PLA2G4A: variants seen among roughly 807,000 people sequenced by gnomAD.
PLA2G4A encodes phospholipase A2 group IVA, also known as cytosolic phospholipase A2.
PLA2G4A carries 40 observed loss-of-function variants against 81.9 expected under a neutral mutation model. The ratio of observed to expected loss-of-function variants is 0.49; its 90% CI spans 0.38 to 0.64. The LOEUF is 0.64. Among genes scored for constraint, PLA2G4A ranks in the 30% least tolerant of loss-of-function variants. The pLI is 0.00. For synonymous variants in PLA2G4A, 302 were observed against 296.9 expected (o/e 1.02, Z -0.18); for missense variants, 715 against 905.1 (o/e 0.79, Z 2.69).
In PLA2G4A at chr1:186,946,662, A is replaced by T; in HGVS notation, c.1059A>T (p.Glu353Asp). 1 of 1,611,420 alleles carries T rather than the reference A, an allele frequency of 6.2e-7. No homozygotes were observed. Among genetic ancestry groups the T allele is most frequent in the Non-Finnish European group, 8.5e-7 (1 of 1,177,796 alleles). ...FADWVEFSPY[E>D]IGMAKYGTFM... ...ATTGGGTTGAATTTAGTCCATACGA[A>T]ATTGGCATGGCTAAATATGGTACTT... Residue 353 changes from glutamate (E) to aspartate (D), a missense_variant, in exon 11 of 18, where the codon GAA becomes GAT. By Grantham distance (45) the Glu-to-Asp change is conservative (BLOSUM62 2). Transcript: ENST00000367466.
At chr1:186,963,702 C>T (rs1361678728) in intron 14 of PLA2G4A, among the ~76,000 whole-genome samples, 1 of 152,090 alleles carries the variant, frequency 6.6e-6, no homozygotes, top group Non-Finnish European at 1.5e-5. Context: ...GCGTTTGTAA[C>T]ATTTATTTGT....
At position 186,891,563 on chromosome 1, in the gene PLA2G4A, T is replaced by G. The variant is rs1186351610; in HGVS notation, c.116-1448T>G. ...TAAGTGAGAATATGTGCTGTTTGTC[T>G]TTCTGTGCCTGGCTTATTTCACTTA... On this transcript the variant is annotated intron_variant, in intron 3 of 17. Coordinates refer to ENST00000367466, the MANE Select transcript of PLA2G4A (RefSeq NM_024420.3). 3.9e-5 allele frequency among the ~76,000 whole-genome samples: 6 copies of G among 152,186 alleles called. No homozygotes were observed. In the South Asian group the frequency reaches 6.2e-4, roughly 16 times the overall value.
intron 5 of PLA2G4A, among the ~76,000 whole-genome samples, chr1:186,901,887 A>T (rs1654551830): frequency 6.6e-6 from 1 of 152,104 alleles, no homozygotes; most frequent in South Asian, 2.1e-4. Flanking sequence ...TGGGTAATGG[A>T]TTAGATGATT....
At chr1:186,859,950 T>C (rs1380863284) in intron 2 of PLA2G4A, among the ~76,000 whole-genome samples, 1 of 152,146 alleles carries the variant, frequency 6.6e-6, no homozygotes, top group Non-Finnish European at 1.5e-5. Flanking sequence ...TTTAGAAAAG[T>C]TAGATGATGA....
intron 1 of PLA2G4A, among the ~76,000 whole-genome samples, 196 bp from the exon 2 acceptor site, chr1:186,854,090 A>G (rs1224576175): frequency 3.3e-5 from 5 of 151,972 alleles, no homozygotes; most frequent in Admixed American, 6.6e-5. Context: ...TAAATATGGA[A>G]AATAAACAGT....
In PLA2G4A at chr1:186,900,474, T is replaced by C. The variant is rs1365932343; in HGVS notation, c.378+6263T>C. 3.9e-5 allele frequency among the ~76,000 whole-genome samples: 6 copies of C among 152,210 alleles called. No individual in the cohort carries two copies. The East Asian group carries it at 1.2e-3, about 29-fold the overall frequency. ...TTAACTGGATATCAAACATACTTAT[T>C]TGTTTGAACTTACTGACCAAAATGA... On this transcript the variant is annotated intron_variant, in intron 5 of 17. Transcript: ENST00000367466.
At chr1:186,926,588 A>G (rs1338957836) in intron 7 of PLA2G4A, among the ~76,000 whole-genome samples, 1 of 152,168 alleles carries the variant, frequency 6.6e-6, no homozygotes, top group African/African-American at 2.4e-5. Context: ...TGGCCTCCTT[A>G]ATGTATGGAA....
chr1:186,856,535 G>A (rs1652560338), intron 2 of PLA2G4A, among the ~76,000 whole-genome samples: 1 of 151,754 alleles, frequency 6.6e-6, no homozygotes, highest in African/African-American at 2.4e-5. Flanking sequence ...GATTATAGGC[G>A]TCCACTACCA....
Position 186,965,325 on chromosome 1 carries a change from C to T in PLA2G4A, c.1580-84C>T, listed in dbSNP as rs1377213718. On this transcript the variant is annotated intron_variant, in intron 14 of 17. Transcript: ENST00000367466. The stretch of plus-strand genomic sequence containing the variant: ...AGGGCCTAATCATATGAAATTCTTT[C>T]AAATTTGAAACCAACATTTTTAGAT... The T allele has an allele frequency of 2.9e-5, 32 of 1,087,826 alleles. No homozygotes were observed. In the Admixed American group the frequency reaches 6.3e-4, roughly 21 times the overall value. The allele number at this position is 1,087,826 out of a possible 1,614,324, so 67.4% of individuals were successfully genotyped here.
chr1:186,971,950 T>G (rs1460062537), intron 15 of PLA2G4A, among the ~76,000 whole-genome samples: 1 of 152,058 alleles, frequency 6.6e-6, no homozygotes, highest in African/African-American at 2.4e-5. Context: ...TCACAAAATA[T>G]TAGAGCATAA....
intron 1 of PLA2G4A, among the ~76,000 whole-genome samples, chr1:186,850,009 A>G (rs1652316885): frequency 6.6e-6 from 1 of 152,160 alleles, no homozygotes; most frequent in African/African-American, 2.4e-5. Flanking sequence ...CAAAAGGGAA[A>G]GTAGTGGTAT....
At chr1:186,925,957 G>A (rs1255343514) in intron 7 of PLA2G4A, among the ~76,000 whole-genome samples, 1 of 152,186 alleles carries the variant, frequency 6.6e-6, no homozygotes, top group Non-Finnish European at 1.5e-5. Context: ...GCATGCATGA[G>A]GGCACAGATT....
At chr1:186,964,960 C>T (rs12720662) in intron 14 of PLA2G4A, among the ~76,000 whole-genome samples, 38,998 of 152,140 alleles carry the variant, frequency 0.26, 5,469 homozygotes, top group Admixed American at 0.4. Context: ...GTGCCACCTT[C>T]GAGATGACTC....
chr1:186,951,498 A>G (rs889222031), intron 13 of PLA2G4A, among the ~76,000 whole-genome samples: 1 of 152,096 alleles, frequency 6.6e-6, no homozygotes, highest in African/African-American at 2.4e-5. Context: ...ACAACAAAAA[A>G]CAAAACAAAG....
At chr1:186,954,004 T>C (rs549927423) in intron 13 of PLA2G4A, among the ~76,000 whole-genome samples, 1 of 152,240 alleles carries the variant, frequency 6.6e-6, no homozygotes, top group Non-Finnish European at 1.5e-5. Flanking sequence ...TAGAAAGTAG[T>C]GTATTTGTTT....
chr1:186,947,544 C>A (rs1299726434), intron 12 of PLA2G4A, among the ~76,000 whole-genome samples: 1 of 152,014 alleles, frequency 6.6e-6, no homozygotes, highest in Non-Finnish European at 1.5e-5. Context: ...CAACTGGGGA[C>A]CAGTGGTTTT....
chr1:186,838,937 C>G (rs1378988170), intron 1 of PLA2G4A, among the ~76,000 whole-genome samples: 2 of 152,184 alleles, frequency 1.3e-5, no homozygotes, highest in Non-Finnish European at 2.9e-5. Flanking sequence ...CATTTTGCAT[C>G]TAAAAGTCAC....
At chr1:186,950,625 A>G (rs376850277) in intron 12 of PLA2G4A, 32 bp from the exon 13 acceptor site, 1 of 1,225,450 alleles carries the variant, frequency 8.2e-7, no homozygotes, top group Non-Finnish European at 1.2e-6. Flanking sequence ...TGACACCTGA[A>G]ATGCTTCAAT....
chr1:186,878,922 T>C (rs144613007), intron 3 of PLA2G4A, among the ~76,000 whole-genome samples: 2 of 152,056 alleles, frequency 1.3e-5, no homozygotes, highest in East Asian at 3.9e-4. Context: ...AGGACAAGTA[T>C]GTTCTTAAAG....
Sources: allele counts gnomAD v4.1 joint callset (sites outside exome capture counted in the v4.1 genomes callset), GRCh38; gene constraint gnomAD v4.1.1; transcripts MANE v1.5; gene names NCBI Gene and HGNC (gene_info 2026-07-23, HGNC 2026-07-21).